CGRRF1: variants seen among roughly 807,000 people sequenced by gnomAD.
CGRRF1 encodes cell growth regulator with ring finger domain 1.
Under a neutral mutation model 37.2 loss-of-function variants are expected in CGRRF1, and 32 were observed. The observed-to-expected ratio is 0.86, with a 90% CI of 0.65 to 1.16. The LOEUF (loss-of-function observed/expected upper bound fraction) is 1.16, where lower values mean the gene tolerates loss of function less well. Among genes scored for constraint, CGRRF1 ranks in the 50% most tolerant of loss-of-function variants. The probability of loss-of-function intolerance (pLI) is 0.00; values close to 1 mark genes in which losing one functional copy is unlikely to be tolerated. For synonymous variants in CGRRF1, 141 were observed against 140.3 expected (o/e 1.00, Z -0.04); for missense variants, 391 against 382.6 (o/e 1.02, Z -0.18).
chr14:54,516,351 C>A (rs1028480305), intron 1 of CGRRF1, among the ~76,000 whole-genome samples: 28 of 152,002 alleles, frequency 1.8e-4, no homozygotes, highest in African/African-American at 6.5e-4. Flanking sequence ...GTGATGAATT[C>A]TTTTAGCTTT....
chr14:54,522,429 T>A, intron 1 of CGRRF1, 25 bp from the exon 2 acceptor site: 2 of 1,433,860 alleles, frequency 1.4e-6, no homozygotes, highest in Non-Finnish European at 1.9e-6. Flanking sequence ...GTTAAAATAA[T>A]ATTTTATTTT....
chr14:54,522,405 A>G, intron 1 of CGRRF1, 49 bp from the exon 2 acceptor site: 1 of 1,315,062 alleles, frequency 7.6e-7, no homozygotes, highest in Non-Finnish European at 1.0e-6. Context: ...ACATAACATA[A>G]AGTTTCAACA....
At chr14:54,516,026 T>C (rs540433995) in intron 1 of CGRRF1, among the ~76,000 whole-genome samples, 1 of 152,298 alleles carries the variant, frequency 6.6e-6, no homozygotes, top group East Asian at 1.9e-4. Context: ...GTCTGTTTTT[T>C]GTTTCTTTTT....
chr14:54,530,479 G>A (rs1284422739), intron 3 of CGRRF1: 6 of 1,066,522 alleles, frequency 5.6e-6, no homozygotes, highest in Non-Finnish European at 7.9e-6. Flanking sequence ...CTAACTTATT[G>A]ATCATTTTTG....
In CGRRF1 at chr14:54,509,924, C is replaced by G. The variant is rs200619234; in HGVS notation, c.-36C>G. The G allele has an allele frequency of 4.6e-6, 7 of 1,512,616 alleles. No individual in the cohort carries two copies. The East Asian group carries it at 9.1e-5, about 20-fold the overall frequency. 93.7% of individuals were successfully genotyped at this position (1,512,616 alleles called of 1,614,324 possible). A position where few individuals can be genotyped will look rare whatever the true frequency, so the allele number is the denominator to read the frequency against. Reference sequence around the variant, plus strand: ...CTCAGCCGGGCTGGGCTGGGCTCCGCGGCTGGAGCCGGGCTCTACCCAGAG... The same window carrying G: ...CTCAGCCGGGCTGGGCTGGGCTCCGGGGCTGGAGCCGGGCTCTACCCAGAG... On this transcript the variant is annotated 5_prime_UTR_variant, in exon 1 of 6. Transcript: ENST00000216420.
At chr14:54,536,175 A>G (rs1394979802) in intron 4 of CGRRF1, 2 of 151,942 alleles carry the variant, frequency 1.3e-5, no homozygotes, top group African/African-American at 2.4e-5. Flanking sequence ...ACTCTATGCT[A>G]CATATGCTGT....
chr14:54,517,412 A>T (rs1466283051), intron 1 of CGRRF1, among the ~76,000 whole-genome samples: 1 of 152,170 alleles, frequency 6.6e-6, no homozygotes, highest in Admixed American at 6.5e-5. Flanking sequence ...AGAGTCATCA[A>T]AAGTGAATTT....
chr14:54,515,089 TG>T (rs1468658579), intron 1 of CGRRF1, among the ~76,000 whole-genome samples: 13 of 149,436 alleles, frequency 8.7e-5, no homozygotes, highest in African/African-American at 2.5e-4. Flanking sequence ...GTGAGTTTTT[TG>T]TTTTTTTTTT....
In CGRRF1 at chr14:54,510,238, A is replaced by G. The variant is rs2032107508; in HGVS notation, c.104+175A>G. 3.0e-5 allele frequency: 18 copies of G among 601,064 alleles called. No individual in the cohort carries two copies. The South Asian group carries it at 3.5e-4, about 12-fold the overall frequency. 37.2% of individuals were successfully genotyped at this position (601,064 alleles called of 1,614,324 possible). ...GGGAGGAAAACAAGGTGGACGCTGC[A>G]CCTGCGTCACTGCCCTGCATCACCG... is the stretch of plus-strand genomic sequence containing the variant. On this transcript the variant is annotated intron_variant, in intron 1 of 5. Transcript: ENST00000216420.
intron 1 of CGRRF1, among the ~76,000 whole-genome samples, chr14:54,512,585 C>T (rs1328240080): frequency 6.6e-6 from 1 of 152,212 alleles, no homozygotes; most frequent in Non-Finnish European, 1.5e-5. Flanking sequence ...AACTACATTT[C>T]TTCTTTGCAA....
intron 4 of CGRRF1, chr14:54,536,278 T>G (rs560848167): frequency 6.6e-6 from 1 of 152,170 alleles, no homozygotes; most frequent in Non-Finnish European, 1.5e-5. Context: ...TTTTAATAGC[T>G]GCATGGCACT....
chr14:54,530,221 G>A lies in CGRRF1; in HGVS notation c.417G>A (p.Gln139=). The A allele has an allele frequency of 3.1e-6, 5 of 1,596,746 alleles. No individual in the cohort carries two copies. The highest frequency in any genetic ancestry group is 4.3e-6 in the Non-Finnish European group (5 of 1,166,412). The change falls in exon 3 of 6, where the codon CAG becomes CAA. Residue 139 remains glutamine, a synonymous_variant. Coordinates refer to ENST00000216420, the MANE Select transcript of CGRRF1 (RefSeq NM_006568.3). ...ALYSEYLYQE[Q]YFIKKDSKEE... is the part of the protein sequence containing the mutation. ...ATAGTGAATATCTCTATCAGGAACA[G>A]TATTTGTATCCTTTCGTCTGATATA...
At chr14:54,533,741 T>C (rs532435247) in intron 4 of CGRRF1, among the ~76,000 whole-genome samples, 8 of 152,222 alleles carry the variant, frequency 5.3e-5, no homozygotes, top group African/African-American at 1.9e-4. Flanking sequence ...AAAGCAGGAA[T>C]TGTTACTACA....
At chr14:54,532,701 TAAAA>T (rs200522235) in intron 4 of CGRRF1, among the ~76,000 whole-genome samples, 15 of 120,898 alleles carry the variant, frequency 1.2e-4, no homozygotes, top group Non-Finnish European at 2.5e-4. Flanking sequence ...ATTTGATAAG[TAAAA>T]AAAAAAAAAA....
chr14:54,527,755 C>CTT (rs374964366), intron 2 of CGRRF1, among the ~76,000 whole-genome samples: 85 of 142,378 alleles, frequency 6.0e-4, no homozygotes, highest in Admixed American at 1.8e-3. Context: ...TTCCATTGTT[C>CTT]TTTTTTTTTT....
At chr14:54,528,275 C>T (rs1236636726) in intron 2 of CGRRF1, among the ~76,000 whole-genome samples, 6 of 148,216 alleles carry the variant, frequency 4.0e-5, no homozygotes, top group African/African-American at 1.5e-4. Context: ...TGCAGTGGCA[C>T]GATCTCGGCT....
chr14:54,521,808 A>G (rs183925184), intron 1 of CGRRF1, among the ~76,000 whole-genome samples: 3 of 152,238 alleles, frequency 2.0e-5, no homozygotes, highest in East Asian at 1.9e-4. Flanking sequence ...CACCCGGCCA[A>G]TAGTCTGCCT....
At chr14:54,515,090 G>GTT (rs935043483) in intron 1 of CGRRF1, among the ~76,000 whole-genome samples, 100 of 124,162 alleles carry the variant, frequency 8.1e-4, no homozygotes, top group African/African-American at 1.5e-3. Flanking sequence ...TGAGTTTTTT[G>GTT]TTTTTTTTTT....
chr14:54,518,456 A>G (rs2140056387), intron 1 of CGRRF1, among the ~76,000 whole-genome samples: 1 of 152,102 alleles, frequency 6.6e-6, no homozygotes, highest in South Asian at 2.1e-4. Flanking sequence ...AGGCTGAGGC[A>G]GGAGAATCAC....
Sources: allele counts gnomAD v4.1 joint callset (sites outside exome capture counted in the v4.1 genomes callset), GRCh38; gene constraint gnomAD v4.1.1; transcripts MANE v1.5; gene names NCBI Gene and HGNC (gene_info 2026-07-23, HGNC 2026-07-21).